The following UNC13C variants were observed in gnomAD, a reference collection of about 807,000 sequenced individuals.
UNC13C encodes the protein unc-13 homolog C, also known as protein unc-13 homolog C.
A neutral mutation model predicts 245.4 loss-of-function variants in UNC13C; 174 were observed. The observed-to-expected ratio is 0.71, with a 90% confidence interval of 0.63 to 0.80. The LOEUF (loss-of-function observed/expected upper bound fraction) is 0.80. Among genes scored for constraint, UNC13C ranks in the 30% least tolerant of loss-of-function variants. The pLI is 0.00. For synonymous variants in UNC13C, 992 were observed against 895.1 expected (o/e 1.11, Z -1.93); for missense variants, 2,829 against 2,602.9 (o/e 1.09, Z -1.89).
chr15:54,579,392 T>A (rs1227175312), intron 30 of UNC13C, among the ~76,000 whole-genome samples: 2 of 152,216 alleles, frequency 1.3e-5, no homozygotes, highest in African/African-American at 4.8e-5. Flanking sequence ...AGGTGCAGTT[T>A]ATTCAAAGTG....
chr15:54,241,878 C>T (rs2035862104), intron 7 of UNC13C, among the ~76,000 whole-genome samples: 1 of 152,112 alleles, frequency 6.6e-6, no homozygotes, highest in Admixed American at 6.5e-5. Context: ...TGGAAGCCAG[C>T]AATAATGACA....
At chr15:53,865,463 C>T in the UNC13C span, among the ~76,000 whole-genome samples, 1 of 152,154 alleles carries the variant, frequency 6.6e-6, no homozygotes, top group African/African-American at 2.4e-5. Flanking sequence ...TGTGCATGAG[C>T]CCCTGGTGTC....
At chr15:54,565,547 T>A (rs1897473989) in intron 29 of UNC13C, among the ~76,000 whole-genome samples, 1 of 151,996 alleles carries the variant, frequency 6.6e-6, no homozygotes. Flanking sequence ...GTGATATCCA[T>A]GCAGTTATAA....
At chr15:54,194,815 G>A (rs1019336320) in intron 4 of UNC13C, among the ~76,000 whole-genome samples, 2 of 152,076 alleles carry the variant, frequency 1.3e-5, no homozygotes, top group African/African-American at 2.4e-5. Context: ...GTGGGCTTCT[G>A]ATATTAGGTA....
intron 4 of UNC13C, among the ~76,000 whole-genome samples, chr15:54,229,030 A>G (rs896182292): frequency 6.6e-6 from 1 of 152,150 alleles, no homozygotes; most frequent in African/African-American, 2.4e-5. Context: ...AACTGCTGGG[A>G]TGGGCTAGTC....
intron 10 of UNC13C, among the ~76,000 whole-genome samples, chr15:54,277,012 T>A (rs1442666517): frequency 6.6e-6 from 1 of 152,058 alleles, no homozygotes; most frequent in Non-Finnish European, 1.5e-5. Context: ...TTACTGTTAA[T>A]TTAAAAAATT....
At chr15:54,233,172 C>A (rs1596053121) in intron 4 of UNC13C, among the ~76,000 whole-genome samples, 1 of 152,132 alleles carries the variant, frequency 6.6e-6, no homozygotes, top group Admixed American at 6.5e-5. Flanking sequence ...CAGCCCTTAA[C>A]CTAGAGAGTG....
At chr15:54,629,044 C>G (rs1168251357), downstream of UNC13C, 1 of 152,126 alleles carries the variant, frequency 6.6e-6, no homozygotes, top group African/African-American at 2.4e-5. Flanking sequence ...CCTAAATGCC[C>G]ATCAACAGTA....
intron 4 of UNC13C, among the ~76,000 whole-genome samples, chr15:54,230,823 C>A (rs983165397): frequency 2.0e-5 from 3 of 151,852 alleles, no homozygotes; most frequent in South Asian, 4.2e-4. Context: ...GCCCACATTG[C>A]CTACCTATAT....
chr15:54,175,661 C>T (rs144339342), intron 4 of UNC13C, among the ~76,000 whole-genome samples: 2,314 of 151,998 alleles, frequency 0.015, 31 homozygotes, highest in Non-Finnish European at 0.023. Flanking sequence ...TACAGGCACC[C>T]ACCACCACGC....
intron 16 of UNC13C, among the ~76,000 whole-genome samples, chr15:54,335,823 A>T (rs988403235): frequency 2.0e-5 from 3 of 152,202 alleles, no homozygotes; most frequent in Admixed American, 6.6e-5. Flanking sequence ...TGTTTTAAAT[A>T]AGCATGGGAT....
intron 30 of UNC13C, among the ~76,000 whole-genome samples, chr15:54,602,016 C>A (rs1271546335): frequency 6.6e-6 from 1 of 152,160 alleles, no homozygotes; most frequent in East Asian, 1.9e-4. Context: ...AGCCAGCAAC[C>A]CAGTCCTCCT....
intron 12 of UNC13C, among the ~76,000 whole-genome samples, chr15:54,299,836 T>C (rs1408803486): frequency 6.6e-6 from 1 of 152,144 alleles, no homozygotes; most frequent in African/African-American, 2.4e-5. Flanking sequence ...CAGGTGATTC[T>C]CATATACTTT....
chr15:54,328,198 C>T (rs943970209), intron 14 of UNC13C, among the ~76,000 whole-genome samples: 2 of 151,940 alleles, frequency 1.3e-5, no homozygotes, highest in Non-Finnish European at 2.9e-5. Flanking sequence ...ATTTTAGTGG[C>T]CTTTCATAAT....
At chr15:54,153,977 C>T (rs1381498959) in intron 4 of UNC13C, among the ~76,000 whole-genome samples, 2 of 151,934 alleles carry the variant, frequency 1.3e-5, no homozygotes, top group Non-Finnish European at 2.9e-5. Flanking sequence ...ATTCATATAA[C>T]ATGTAATAAT....
the UNC13C span, among the ~76,000 whole-genome samples, chr15:53,951,596 T>A: frequency 6.6e-6 from 1 of 152,196 alleles, no homozygotes; most frequent in Non-Finnish European, 1.5e-5. Flanking sequence ...GATAAGGAAA[T>A]GGTAGTTGGC....
the UNC13C span, among the ~76,000 whole-genome samples, chr15:53,939,681 A>C: frequency 6.6e-6 from 1 of 152,234 alleles, no homozygotes; most frequent in South Asian, 2.1e-4. Flanking sequence ...GGTTGGTTCA[A>C]CATATGCAAA....
At chr15:54,237,181 A>T (rs540796309) in intron 6 of UNC13C, among the ~76,000 whole-genome samples, 1 of 152,348 alleles carries the variant, frequency 6.6e-6, no homozygotes, top group Non-Finnish European at 1.5e-5. Flanking sequence ...AACTATGAAC[A>T]ACTCAGGAAC....
At chr15:54,024,474 A>G (rs545901433) in intron 2 of UNC13C, among the ~76,000 whole-genome samples, 47 of 152,326 alleles carry the variant, frequency 3.1e-4, no homozygotes, top group African/African-American at 1.1e-3. Context: ...TGCTGAGTCC[A>G]AGGGAGATGG....
Sources: gnomAD v4.1 joint callset for allele counts (sites outside exome capture counted in the v4.1 genomes callset) on GRCh38, gnomAD v4.1.1 for gene constraint, MANE v1.5 for transcripts, NCBI Gene and HGNC (gene_info 2026-07-23, HGNC 2026-07-21) for gene names.